The following LRRTM4 variants were observed in gnomAD, a reference collection of about 807,000 sequenced individuals.
The protein encoded by LRRTM4 is leucine-rich repeat transmembrane neuronal protein 4.
LRRTM4 carries 25 observed loss-of-function variants against 47.6 expected under a neutral mutation model. The ratio of observed to expected loss-of-function variants is 0.53; its 90% CI spans 0.38 to 0.73. The LOEUF (loss-of-function observed/expected upper bound fraction) is 0.73, where lower values mean the gene tolerates loss of function less well. LRRTM4 is among the 30% of genes least tolerant of loss of function. The pLI is 0.00. For synonymous variants in LRRTM4, 311 were observed against 269.5 expected (o/e 1.15, Z -1.51); for missense variants, 638 against 713.4 (o/e 0.89, Z 1.20).
intron 3 of LRRTM4, among the ~76,000 whole-genome samples, chr2:76,841,159 G>T (rs1671664062): frequency 2.0e-5 from 3 of 151,296 alleles, no homozygotes; most frequent in Non-Finnish European, 2.9e-5. Flanking sequence ...ACCATTCTCA[G>T]CAAGCTATCG....
intron 3 of LRRTM4, among the ~76,000 whole-genome samples, chr2:77,320,166 T>G (rs1024613321): frequency 7.2e-5 from 11 of 152,144 alleles, no homozygotes; most frequent in African/African-American, 2.4e-4. Flanking sequence ...ATGTCAGCTC[T>G]GCCAAATCCA....
At chr2:77,027,686 T>C (rs922181983) in intron 3 of LRRTM4, among the ~76,000 whole-genome samples, 1 of 152,218 alleles carries the variant, frequency 6.6e-6, no homozygotes, top group Non-Finnish European at 1.5e-5. Context: ...GCCGAAAGGA[T>C]AATTTCATCT....
intron 3 of LRRTM4, among the ~76,000 whole-genome samples, chr2:76,938,615 ATTTTC>A (rs557282550): frequency 7.2e-5 from 11 of 152,100 alleles, no homozygotes; most frequent in African/African-American, 2.2e-4. Flanking sequence ...ATTTCAAGTA[ATTTTC>A]TTTTCATCAT....
intron 3 of LRRTM4, among the ~76,000 whole-genome samples, chr2:77,382,322 T>A (rs1225136089): frequency 6.6e-6 from 1 of 152,114 alleles, no homozygotes; most frequent in East Asian, 1.9e-4. Flanking sequence ...AATTTGCTTT[T>A]AACCATATAA....
intron 3 of LRRTM4, among the ~76,000 whole-genome samples, chr2:77,504,321 T>A (rs2104085404): frequency 6.6e-6 from 1 of 151,732 alleles, no homozygotes; most frequent in Admixed American, 6.6e-5. Flanking sequence ...ATATGGCCCA[T>A]AAAGTCTAAA....
At chr2:77,055,880 G>A (rs890473359) in intron 3 of LRRTM4, among the ~76,000 whole-genome samples, 4 of 151,638 alleles carry the variant, frequency 2.6e-5, no homozygotes, top group Non-Finnish European at 5.9e-5. Flanking sequence ...ATGAGTTCAC[G>A]TCCTTTGTAG....
chr2:76,774,751 C>T (rs1464163385), intron 3 of LRRTM4, among the ~76,000 whole-genome samples: 3 of 152,100 alleles, frequency 2.0e-5, no homozygotes, highest in Non-Finnish European at 2.9e-5. Flanking sequence ...TTCTGTCTGA[C>T]ATTTTTGCTT....
At chr2:77,040,475 A>AAG (rs904894435) in intron 3 of LRRTM4, among the ~76,000 whole-genome samples, 1 of 151,276 alleles carries the variant, frequency 6.6e-6, no homozygotes, top group Non-Finnish European at 1.5e-5. Context: ...AAATTTAGTA[A>AAG]AGAGAGAGAG....
At chr2:77,452,543 G>A (rs939267456) in intron 3 of LRRTM4, among the ~76,000 whole-genome samples, 3 of 152,156 alleles carry the variant, frequency 2.0e-5, no homozygotes, top group African/African-American at 4.8e-5. Flanking sequence ...GACGTTAGGA[G>A]GCAGAGGAAT....
chr2:77,140,938 G>T (rs1672103834), intron 3 of LRRTM4, among the ~76,000 whole-genome samples: 1 of 152,174 alleles, frequency 6.6e-6, no homozygotes, highest in African/African-American at 2.4e-5. Context: ...TCTCACACCA[G>T]TTAGAATGGT....
chr2:77,452,152 TTA>T lies in LRRTM4; in HGVS notation c.1551+66164_1551+66165del, dbSNP rs1243067358. 2.6e-5 allele frequency among the ~76,000 whole-genome samples: 4 copies of T among 152,256 alleles called. No homozygotes were observed. In the East Asian group the frequency reaches 7.7e-4, roughly 29 times the overall value. ...AATTAGAGGAGTCTCATGATCAGGT[TTA>T]TGTTTTTAAAAGTGACTTTTACAAT... On this transcript the variant is annotated intron_variant, in intron 3 of 3. Coordinates refer to ENST00000409884, the MANE Select transcript of LRRTM4 (RefSeq NM_001134745.3).
intron 3 of LRRTM4, among the ~76,000 whole-genome samples, chr2:77,305,579 A>G (rs1367444818): frequency 2.0e-5 from 3 of 152,126 alleles, no homozygotes; most frequent in Non-Finnish European, 4.4e-5. Flanking sequence ...CAGGTGTTTA[A>G]TATTCAACAG....
At chr2:76,768,281 ACTT>A (rs1158376010) in intron 3 of LRRTM4, among the ~76,000 whole-genome samples, 18 of 152,274 alleles carry the variant, frequency 1.2e-4, no homozygotes, top group Admixed American at 7.2e-4. Flanking sequence ...AAGAATGGTA[ACTT>A]CTTCTATCTA....
chr2:76,913,618 C>T (rs148639157), intron 3 of LRRTM4, among the ~76,000 whole-genome samples: 69 of 146,912 alleles, frequency 4.7e-4, no homozygotes, highest in African/African-American at 1.7e-3. Context: ...TGGCTCACTG[C>T]AACCTCTGCC....
chr2:77,214,405 G>A (rs545407276), intron 3 of LRRTM4, among the ~76,000 whole-genome samples: 2 of 152,212 alleles, frequency 1.3e-5, no homozygotes, highest in South Asian at 2.1e-4. Flanking sequence ...GCCCAGCTTC[G>A]TGTCAGATGC....
chr2:77,283,830 G>A (rs751288419), intron 3 of LRRTM4, among the ~76,000 whole-genome samples: 23 of 152,044 alleles, frequency 1.5e-4, no homozygotes, highest in Non-Finnish European at 2.4e-4. Flanking sequence ...AGAAGGGGAG[G>A]GAAGGTAAGT....
Position 77,518,638 on chromosome 2 carries a change from G to C in LRRTM4, c.1231C>G (p.Pro411Ala), listed in dbSNP as rs1379683268. The C allele has an allele frequency of 6.2e-7, 1 of 1,613,440 alleles. No individual in the cohort carries two copies. The highest frequency in any genetic ancestry group is 2.2e-5 in the East Asian group (1 of 44,832). The change falls in exon 3 of 4, where the codon CCT becomes GCT. Residue 411 changes from proline to alanine, a missense_variant. Pro to Ala is a conservative substitution (Grantham distance 27). Transcript: ENST00000409884. Reference protein sequence around the residue: ...TPSPSPGFQIPGAEQEYEHVS... With the variant: ...TPSPSPGFQIAGAEQEYEHVS... ...TGCTCATACTCTTGCTCTGCGCCAGGAATCTGAAACCCTGGGGAAGGGCTT... is the reference window on the plus strand; with the variant it reads ...TGCTCATACTCTTGCTCTGCGCCAGCAATCTGAAACCCTGGGGAAGGGCTT...
chr2:76,968,532 T>C (rs1676114529), intron 3 of LRRTM4, among the ~76,000 whole-genome samples: 1 of 151,218 alleles, frequency 6.6e-6, no homozygotes, highest in African/African-American at 2.4e-5. Context: ...GAAAAAAATA[T>C]CTCTTCAACA....
At chr2:77,039,901 CATT>C (rs1220422561) in intron 3 of LRRTM4, among the ~76,000 whole-genome samples, 4 of 150,896 alleles carry the variant, frequency 2.7e-5, no homozygotes, top group African/African-American at 7.3e-5. Flanking sequence ...GTAATTTTCT[CATT>C]AGTTAATATT....
Sources: gnomAD v4.1 joint callset for allele counts (sites outside exome capture counted in the v4.1 genomes callset) on GRCh38, gnomAD v4.1.1 for gene constraint, MANE v1.5 for transcripts, NCBI Gene and HGNC (gene_info 2026-07-23, HGNC 2026-07-21) for gene names.